The following SPTBN1 variants were observed in gnomAD, a reference collection of about 807,000 sequenced individuals.
SPTBN1 encodes the protein spectrin beta, non-erythrocytic 1, also known as spectrin beta chain, non-erythrocytic 1.
SPTBN1 carries 32 observed loss-of-function variants against 266.4 expected under a neutral mutation model. The observed-to-expected ratio is 0.12, with a 90% CI of 0.09 to 0.16. SPTBN1 has a LOEUF of 0.16. Among genes scored for constraint, SPTBN1 ranks in the 10% least tolerant of loss-of-function variants. SPTBN1 has a pLI of 1.00. For missense variants in SPTBN1, 2,296 were observed against 3,067.1 expected, an observed-to-expected ratio of 0.75 and a Z score of 5.94; for synonymous variants, 1,336 against 1,162.2, an observed-to-expected ratio of 1.15 and a Z score of -3.04.
intron 1 of SPTBN1, among the ~76,000 whole-genome samples, chr2:54,477,478 T>C (rs1472009009): frequency 6.6e-6 from 1 of 152,068 alleles, no homozygotes; most frequent in South Asian, 2.1e-4. Context: ...TCTTTTTTCA[T>C]TTTCTGTTTT....
intron 32 of SPTBN1, chr2:54,661,300 A>G (rs1681027924): frequency 2.0e-6 from 2 of 985,802 alleles, no homozygotes; most frequent in Non-Finnish European, 2.4e-6. Flanking sequence ...AACCAAATCC[A>G]TATTATACAT....
intron 1 of SPTBN1, among the ~76,000 whole-genome samples, chr2:54,468,915 G>A (rs1409689367): frequency 2.0e-5 from 3 of 152,200 alleles, no homozygotes; most frequent in African/African-American, 4.8e-5. Context: ...TGGAATGGAT[G>A]TGGTTATTAT....
rs1295958914 is a variant in SPTBN1, at chr2:54,668,695, T to TA, written c.*128dup. 9 of 684,786 alleles carry TA rather than the reference T, an allele frequency of 1.3e-5. No individual in the cohort carries two copies. Among genetic ancestry groups the TA allele is most frequent in the Non-Finnish European group, 1.8e-5 (8 of 455,600 alleles). 42.4% of individuals were successfully genotyped at this position (684,786 alleles called of 1,614,324 possible). On this transcript the variant is annotated 3_prime_UTR_variant, in exon 36 of 36. Transcript: ENST00000356805. ...AATGTGGTTGATTTTTTTTTTTTTT[T>TA]AATTTATAGAGCATTTCGGGGGGGG...
intron 26 of SPTBN1, among the ~76,000 whole-genome samples, chr2:54,650,296 T>A (rs1362242647): frequency 9.9e-5 from 15 of 152,232 alleles, no homozygotes; most frequent in Admixed American, 9.8e-4. Context: ...AGCATATCCA[T>A]CCAGAACAAT....
intron 32 of SPTBN1, chr2:54,660,245 G>A: frequency 7.3e-7 from 1 of 1,371,020 alleles, no homozygotes; most frequent in Non-Finnish European, 9.4e-7. Context: ...TCTCTTAACT[G>A]ATGGATGCCC....
intron 1 of SPTBN1, among the ~76,000 whole-genome samples, chr2:54,498,868 T>C (rs1669108808): frequency 6.6e-6 from 1 of 152,188 alleles, no homozygotes; most frequent in African/African-American, 2.4e-5. Flanking sequence ...TTCATCCTAA[T>C]AAAAGGGTAA....
At chr2:54,663,206 C>T (rs1681167424) in intron 32 of SPTBN1, 1 of 152,180 alleles carries the variant, frequency 6.6e-6, no homozygotes, top group South Asian at 2.1e-4. Flanking sequence ...TGGTGGTGGC[C>T]AGTCTACCGT....
At chr2:54,652,460 C>A (rs566535792) in intron 26 of SPTBN1, 1 of 152,176 alleles carries the variant, frequency 6.6e-6, no homozygotes, top group Non-Finnish European at 1.5e-5. Flanking sequence ...CTGCTGGATG[C>A]ACCATCATTA....
chr2:54,580,046 C>T (rs1040001093), intron 2 of SPTBN1, among the ~76,000 whole-genome samples: 2 of 152,126 alleles, frequency 1.3e-5, no homozygotes, highest in African/African-American at 2.4e-5. Flanking sequence ...TTTTCATTTA[C>T]GTTAAAGCCA....
In SPTBN1 at chr2:54,456,697, G is replaced by A. The variant is rs558550655; in HGVS notation, c.-48+179G>A. ...GCAGGGAGGCTGCAAAGCCCGGGCG[G>A]GGGCGGCGCGGGGAGCCCGGGTCGC... On this transcript the variant is annotated intron_variant, in intron 1 of 35. Coordinates refer to ENST00000356805, the MANE Select transcript of SPTBN1 (RefSeq NM_003128.3). Among the ~76,000 whole-genome samples the A allele has an allele frequency of 5.9e-3, 885 of 150,960 alleles. 5 individuals carry two copies. Among genetic ancestry groups the A allele is most frequent in the Middle Eastern group, 0.017 (5 of 292 alleles).
At chr2:54,574,614 A>G (rs1674331358) in intron 2 of SPTBN1, among the ~76,000 whole-genome samples, 1 of 152,164 alleles carries the variant, frequency 6.6e-6, no homozygotes. Context: ...AAGCTGCAGC[A>G]CTTGAGTCAC....
chr2:54,489,997 T>C (rs945355342), intron 1 of SPTBN1, among the ~76,000 whole-genome samples: 1 of 152,182 alleles, frequency 6.6e-6, no homozygotes, highest in African/African-American at 2.4e-5. Flanking sequence ...GCATTAACCA[T>C]TCTTGCTGGT....
At position 54,589,535 on chromosome 2, in the gene SPTBN1, T is replaced by C. The variant is rs181161469; in HGVS notation, c.149-9557T>C. 2.6e-5 allele frequency among the ~76,000 whole-genome samples: 4 copies of C among 152,344 alleles called. No individual in the cohort carries two copies. The East Asian group carries it at 7.7e-4, about 29-fold the overall frequency. On this transcript the variant is annotated intron_variant, in intron 2 of 35. Coordinates refer to ENST00000356805, the MANE Select transcript of SPTBN1 (RefSeq NM_003128.3). ...CATCAGACAGTTACTAGCAGACAAT[T>C]GCATATTTGCTTCACATGCATTTAG...
In SPTBN1 at chr2:54,567,904, C is replaced by T. The variant is rs145612421; in HGVS notation, c.149-31188C>T. Among the ~76,000 whole-genome samples the T allele has an allele frequency of 1.3e-3, 198 of 152,134 alleles. 4 individuals carry two copies. In the South Asian group the frequency reaches 0.036, roughly 28 times the overall value. ...TTTGCTGGAGTGAGAAACTTAGAAA[C>T]GACATAACCTCCTAGAATTTTGAAA... On this transcript the variant is annotated intron_variant, in intron 2 of 35. Transcript: ENST00000356805.
chr2:54,628,764 G>T lies in SPTBN1; in HGVS notation c.1799-169G>T, dbSNP rs1373244936. ...TATCATTGCCCTCACTCCTGTTCTA[G>T]TCAAGTTGTTAGAAGGTGCTCCATT... On this transcript the variant is annotated intron_variant, in intron 13 of 35. Transcript: ENST00000356805. The surrounding 1 kb of genome is among the most constrained non-coding windows in gnomAD (Gnocchi z 4.3). Among the ~76,000 whole-genome samples the T allele has an allele frequency of 6.6e-6, 1 of 152,188 alleles. No homozygotes were observed. The highest frequency in any genetic ancestry group is 6.5e-5 in the Admixed American group (1 of 15,280).
At chr2:54,562,696 T>TTG (rs55947327) in intron 2 of SPTBN1, among the ~76,000 whole-genome samples, 26,031 of 122,468 alleles carry the variant, frequency 0.21, 2,757 homozygotes, top group East Asian at 0.33. Flanking sequence ...AAACCCTGCT[T>TTG]TGTGTGTGTG....
rs563510400 is a variant in SPTBN1, at chr2:54,469,416, C to T, written c.-48+12898C>T. 9.5e-4 allele frequency among the ~76,000 whole-genome samples: 144 copies of T among 152,200 alleles called. 4 individuals carry two copies. In the South Asian group the frequency reaches 0.028, roughly 29 times the overall value. On this transcript the variant is annotated intron_variant, in intron 1 of 35. Transcript: ENST00000356805. ...TAAAGGTCAGTGTTGGCCCTTTTCA[C>T]AGTTAAGAGGGAAAAATCTGAGCTG... is the stretch of plus-strand genomic sequence containing the variant.
chr2:54,484,180 T>C (rs1668232517), intron 1 of SPTBN1, among the ~76,000 whole-genome samples: 1 of 152,204 alleles, frequency 6.6e-6, no homozygotes, highest in African/African-American at 2.4e-5. Context: ...AGTGAGACCC[T>C]GTCTCAACAA....
chr2:54,547,052 G>A (rs1672285731), intron 2 of SPTBN1, among the ~76,000 whole-genome samples: 1 of 150,452 alleles, frequency 6.6e-6, no homozygotes, highest in Admixed American at 6.6e-5. Context: ...ATATTGTTGT[G>A]CAGTCAGATC....
Sources: allele counts gnomAD v4.1 joint callset (sites outside exome capture counted in the v4.1 genomes callset), GRCh38; gene constraint gnomAD v4.1.1; non-coding constraint Gnocchi (gnomAD v3.1); transcripts MANE v1.5; gene names NCBI Gene and HGNC (gene_info 2026-07-23, HGNC 2026-07-21).